HCRTR2: variants seen among roughly 807,000 people sequenced by gnomAD.
The protein encoded by HCRTR2 is orexin receptor type 2.
In HCRTR2, 22 loss-of-function variants were observed where a neutral mutation model predicts 49.0. The ratio of observed to expected loss-of-function variants is 0.45; its 90% CI spans 0.32 to 0.64. The LOEUF (loss-of-function observed/expected upper bound fraction) is 0.64. Ranked by LOEUF, HCRTR2 falls within the 30% of genes least tolerant of loss-of-function variation. The pLI, the probability that HCRTR2 is intolerant of heterozygous loss-of-function variation, is 0.04. For missense variants in HCRTR2, 491 were observed against 559.4 expected, an observed-to-expected ratio of 0.88 and a Z score of 1.23; for synonymous variants, 236 against 205.3, an observed-to-expected ratio of 1.15 and a Z score of -1.28.
intron 1 of HCRTR2, among the ~76,000 whole-genome samples, chr6:55,133,662 C>CATCT (rs5876428): frequency 0.036 from 5,369 of 148,732 alleles, 112 homozygotes; most frequent in Middle Eastern, 0.052. Flanking sequence ...ATCTATCTAT[C>CATCT]ATCTATCTAT....
At chr6:55,197,122 G>A (rs911754892) in intron 1 of HCRTR2, among the ~76,000 whole-genome samples, 10 of 152,120 alleles carry the variant, frequency 6.6e-5, no homozygotes, top group African/African-American at 9.6e-5. Flanking sequence ...AACTCTAAAC[G>A]TAATCCTAAA....
intron 1 of HCRTR2, among the ~76,000 whole-genome samples, chr6:55,184,840 C>T (rs1475857487): frequency 1.3e-5 from 2 of 152,166 alleles, no homozygotes; most frequent in East Asian, 3.8e-4. Context: ...TGGTTTATAA[C>T]CATGTGAGGC....
chr6:55,182,042 C>G (rs1357168205), intron 1 of HCRTR2, among the ~76,000 whole-genome samples: 2 of 152,196 alleles, frequency 1.3e-5, no homozygotes, highest in African/African-American at 2.4e-5. Flanking sequence ...TAGTAGCAAA[C>G]AAACCCTGAA....
chr6:55,162,875 G>T (rs1474289779), intron 1 of HCRTR2, among the ~76,000 whole-genome samples: 1 of 152,156 alleles, frequency 6.6e-6, no homozygotes, highest in African/African-American at 2.4e-5. Context: ...TCAATATCAT[G>T]ACAATGGCCA....
At chr6:55,172,942 T>G (rs1284889506), upstream of HCRTR2, among the ~76,000 whole-genome samples, 1 of 152,192 alleles carries the variant, frequency 6.6e-6, no homozygotes, top group East Asian at 1.9e-4. Context: ...CTTTTTGCAC[T>G]GGCAAGACTC....
At chr6:55,107,873 T>C (rs1242343483) in intron 1 of HCRTR2, among the ~76,000 whole-genome samples, 3 of 152,170 alleles carry the variant, frequency 2.0e-5, no homozygotes, top group African/African-American at 7.2e-5. Flanking sequence ...GCTATGACTA[T>C]TGTAATACTT....
chr6:55,238,924 A>G (rs1172668328), intron 1 of HCRTR2, among the ~76,000 whole-genome samples: 1 of 152,164 alleles, frequency 6.6e-6, no homozygotes, highest in Non-Finnish European at 1.5e-5. Flanking sequence ...GGAGGATCGG[A>G]TTGGTTGCTT....
At chr6:55,160,223 T>C (rs1041301452) in intron 1 of HCRTR2, among the ~76,000 whole-genome samples, 1 of 152,204 alleles carries the variant, frequency 6.6e-6, no homozygotes, top group African/African-American at 2.4e-5. Flanking sequence ...CACAATTTCA[T>C]ATCCAGCCAA....
chr6:55,148,607 G>A (rs938742061), intron 1 of HCRTR2, among the ~76,000 whole-genome samples: 2 of 152,136 alleles, frequency 1.3e-5, no homozygotes, highest in African/African-American at 4.8e-5. Flanking sequence ...ACTCTGGGAT[G>A]TGTTGGGAAG....
At chr6:55,132,490 C>G (rs543838084) in intron 1 of HCRTR2, among the ~76,000 whole-genome samples, 1 of 151,808 alleles carries the variant, frequency 6.6e-6, no homozygotes, top group Non-Finnish European at 1.5e-5. Context: ...TCCTGGAGTA[C>G]GTTAACAGCA....
chr6:55,254,204 T>C (rs1766606217), intron 2 of HCRTR2, among the ~76,000 whole-genome samples: 1 of 151,452 alleles, frequency 6.6e-6, no homozygotes, highest in Non-Finnish European at 1.5e-5. Flanking sequence ...TACTACATTA[T>C]ACATGCTGAA....
intron 2 of HCRTR2, among the ~76,000 whole-genome samples, chr6:55,250,385 A>T (rs1766526175): frequency 1.3e-5 from 2 of 152,166 alleles, no homozygotes; most frequent in Non-Finnish European, 2.9e-5. Flanking sequence ...ATATTTCATT[A>T]TCTCTGTGGT....
intron 2 of HCRTR2, among the ~76,000 whole-genome samples, chr6:55,251,391 C>G (rs972894410): frequency 1.3e-5 from 2 of 152,088 alleles, no homozygotes; most frequent in Admixed American, 1.3e-4. Context: ...TAAAATGACT[C>G]TTTTGTATCT....
intron 1 of HCRTR2, among the ~76,000 whole-genome samples, chr6:55,197,112 A>G (rs750480558): frequency 2.0e-5 from 3 of 152,182 alleles, no homozygotes; most frequent in Admixed American, 6.5e-5. Flanking sequence ...AACTAAATTT[A>G]ACTCTAAACG....
chr6:55,233,152 A>G (rs1581845226), intron 1 of HCRTR2, among the ~76,000 whole-genome samples: 1 of 151,474 alleles, frequency 6.6e-6, no homozygotes, highest in South Asian at 2.1e-4. Context: ...GCAATGGTGC[A>G]ATCTCAGCTC....
chr6:55,210,995 A>C (rs1420197477), intron 1 of HCRTR2, among the ~76,000 whole-genome samples: 1 of 152,050 alleles, frequency 6.6e-6, no homozygotes, highest in Non-Finnish European at 1.5e-5. Context: ...GTACTTTTCT[A>C]TGTTTAGATA....
intron 5 of HCRTR2, among the ~76,000 whole-genome samples, 162 bp downstream of exon 5, chr6:55,277,762 C>G (rs1470170975): frequency 6.6e-6 from 1 of 151,212 alleles, no homozygotes; most frequent in African/African-American, 2.4e-5. Flanking sequence ...GCAGGTAAGG[C>G]GAACAGCCTT....
At chr6:55,126,437 G>A (rs1184673571) in intron 1 of HCRTR2, among the ~76,000 whole-genome samples, 1 of 152,184 alleles carries the variant, frequency 6.6e-6, no homozygotes, top group Non-Finnish European at 1.5e-5. Context: ...GGAGGCTGTA[G>A]AACAGCAAAG....
In HCRTR2 at chr6:55,282,444, A is replaced by C; in HGVS notation, c.1325A>C (p.Gln442Pro). 1 of 1,549,944 alleles carries C rather than the reference A, an allele frequency of 6.5e-7. No homozygotes were observed. Among genetic ancestry groups the C allele is most frequent in the East Asian group, 2.3e-5 (1 of 44,412 alleles). Residue 442 changes from glutamine (Q) to proline (P), a missense_variant, in exon 7 of 7, where the codon CAA becomes CCA. Gln to Pro is a moderately conservative substitution (Grantham distance 76, BLOSUM62 -1). Transcript: ENST00000370862. ...GCAGCCAATGGAGCAGGACCACTTC[A>C]AAACTGGTAGAATATTTATTCATAT... Reference protein sequence around the residue: ...LPAANGAGPLQNW With the variant: ...LPAANGAGPLPNW
Sources: allele counts gnomAD v4.1 joint callset (sites outside exome capture counted in the v4.1 genomes callset), GRCh38; gene constraint gnomAD v4.1.1; transcripts MANE v1.5; gene names NCBI Gene and HGNC (gene_info 2026-07-23, HGNC 2026-07-21).